Variants in SH3RF3 observed in about 807,000 individuals in gnomAD.
SH3RF3 encodes SH3 domain containing ring finger 3.
A neutral mutation model predicts 66.3 loss-of-function variants in SH3RF3; 29 were observed. The observed-to-expected ratio is 0.44, with a 90% CI of 0.33 to 0.60. The LOEUF is 0.60. SH3RF3 is among the 20% of genes least tolerant of loss of function. The pLI, the probability that SH3RF3 is intolerant of heterozygous loss-of-function variation, is 0.04. For missense variants in SH3RF3, 1,194 were observed against 1,190.9 expected (o/e 1.00, Z -0.04); for synonymous variants, 583 against 532.0 (o/e 1.10, Z -1.32).
chr2:109,155,456 C>G (rs1184716325), intron 1 of SH3RF3, among the ~76,000 whole-genome samples: 1 of 152,140 alleles, frequency 6.6e-6, no homozygotes, highest in Non-Finnish European at 1.5e-5. Flanking sequence ...GCGCCCACCA[C>G]CACGCCTGGC....
chr2:109,251,961 T>A (rs929010125), intron 1 of SH3RF3, among the ~76,000 whole-genome samples: 1 of 152,126 alleles, frequency 6.6e-6, no homozygotes, highest in Non-Finnish European at 1.5e-5. Flanking sequence ...ATAAAACTTT[T>A]ACTGAACACA....
At chr2:109,179,980 A>G (rs1678038287) in intron 1 of SH3RF3, among the ~76,000 whole-genome samples, 1 of 152,142 alleles carries the variant, frequency 6.6e-6, no homozygotes, top group Non-Finnish European at 1.5e-5. Flanking sequence ...TGTTCTTAAA[A>G]AGACTCTTTG....
intron 1 of SH3RF3, among the ~76,000 whole-genome samples, chr2:109,237,026 A>C (rs1679666397): frequency 6.6e-6 from 1 of 152,216 alleles, no homozygotes; most frequent in Non-Finnish European, 1.5e-5. Flanking sequence ...AAGGTAGAGA[A>C]GCCAACACAA....
At chr2:109,499,226 C>T (rs773804894) in intron 9 of SH3RF3, among the ~76,000 whole-genome samples, 5 of 152,104 alleles carry the variant, frequency 3.3e-5, no homozygotes, top group Non-Finnish European at 7.4e-5. Context: ...TAGACAGCCT[C>T]GGCGTCTGTG....
At chr2:109,383,925 T>A (rs1263956714) in intron 3 of SH3RF3, among the ~76,000 whole-genome samples, 1 of 152,172 alleles carries the variant, frequency 6.6e-6, no homozygotes, top group East Asian at 1.9e-4. Context: ...CAGTGTCTGT[T>A]AGGTAGAAGG....
At chr2:109,243,064 G>A (rs890522364) in intron 1 of SH3RF3, among the ~76,000 whole-genome samples, 2 of 152,220 alleles carry the variant, frequency 1.3e-5, no homozygotes, top group Non-Finnish European at 2.9e-5. Flanking sequence ...CAATGAAATC[G>A]GCTGTTCATA....
chr2:109,334,568 G>A (rs978750799), intron 1 of SH3RF3, among the ~76,000 whole-genome samples: 7 of 152,126 alleles, frequency 4.6e-5, no homozygotes, highest in South Asian at 4.1e-4. Context: ...CCGCTCCGGG[G>A]ATGCCAGGGA....
At chr2:109,288,550 T>C (rs902738097) in intron 1 of SH3RF3, among the ~76,000 whole-genome samples, 1 of 152,252 alleles carries the variant, frequency 6.6e-6, no homozygotes, top group Admixed American at 6.5e-5. Flanking sequence ...GTCATGTTGG[T>C]CTGGAGTCAC....
At chr2:109,482,807 G>A (rs933288496) in intron 8 of SH3RF3, among the ~76,000 whole-genome samples, 2 of 152,120 alleles carry the variant, frequency 1.3e-5, no homozygotes, top group African/African-American at 2.4e-5. Flanking sequence ...ACGATGCGGC[G>A]GTCACGTCTT....
intron 1 of SH3RF3, among the ~76,000 whole-genome samples, chr2:109,194,279 G>A (rs531474786): frequency 4.5e-4 from 69 of 152,312 alleles, no homozygotes; most frequent in African/African-American, 1.6e-3. Context: ...CACAGATGCC[G>A]GTCTTGTGTT....
At chr2:109,191,258 T>A (rs532396322) in intron 1 of SH3RF3, among the ~76,000 whole-genome samples, 128 of 152,260 alleles carry the variant, frequency 8.4e-4, no homozygotes, top group African/African-American at 2.9e-3. Flanking sequence ...AGGTTGTTTC[T>A]GACATCAAGA....
In SH3RF3 at chr2:109,408,533, C is replaced by A. The variant is rs79520358; in HGVS notation, c.1299+9590C>A. Among the ~76,000 whole-genome samples the A allele has an allele frequency of 2.7e-3, 410 of 152,334 alleles. 6 individuals are homozygous for A. Among genetic ancestry groups the A allele is most frequent in the East Asian group, 0.02 (105 of 5,150 alleles). ...GGTCCCACACGCGCTCACGCCCAGG[C>A]CGGGTTCGCTCTCAGGACCTCGTCC... On this transcript the variant is annotated intron_variant, in intron 4 of 9. Coordinates refer to ENST00000309415, the MANE Select transcript of SH3RF3 (RefSeq NM_001099289.3).
At chr2:109,415,468 A>G (rs1676697408) in intron 4 of SH3RF3, among the ~76,000 whole-genome samples, 1 of 152,126 alleles carries the variant, frequency 6.6e-6, no homozygotes, top group African/African-American at 2.4e-5. Flanking sequence ...CACGGGTGCT[A>G]CAGTCGCGGC....
rs145693348 is a variant in SH3RF3 at position 109,223,682 on chromosome 2, C to T, written c.573+93569C>T. Among the ~76,000 whole-genome samples, 8 of 152,294 alleles carry T rather than the reference C, an allele frequency of 5.3e-5. No homozygotes were observed. The East Asian group carries it at 1.5e-3, about 29-fold the overall frequency. ...CATGGCTCTCCCCTGAATTCTGCCC[C>T]CCACGTGATGCTGCCCCAACGTGGA... On this transcript the variant is annotated intron_variant, in intron 1 of 9. Transcript: ENST00000309415.
intron 2 of SH3RF3, among the ~76,000 whole-genome samples, chr2:109,354,458 G>A (rs1353154172): frequency 6.6e-6 from 1 of 152,262 alleles, no homozygotes; most frequent in Non-Finnish European, 1.5e-5. Flanking sequence ...GGCCAGGCAG[G>A]GACTGCTTCT....
intron 8 of SH3RF3, among the ~76,000 whole-genome samples, chr2:109,460,224 A>G (rs1678175309): frequency 6.6e-6 from 1 of 152,240 alleles, no homozygotes; most frequent in African/African-American, 2.4e-5. Flanking sequence ...CTTTGGCAGA[A>G]GCATTGTGTG....
intron 1 of SH3RF3, among the ~76,000 whole-genome samples, chr2:109,277,983 T>C (rs997630729): frequency 1.6e-5 from 2 of 126,526 alleles, no homozygotes; most frequent in African/African-American, 6.1e-5. Context: ...GAGATCAGCC[T>C]GGGCAACAAG....
chr2:109,297,757 G>A (rs1256009341), intron 1 of SH3RF3, among the ~76,000 whole-genome samples: 1 of 150,552 alleles, frequency 6.6e-6, no homozygotes, highest in Non-Finnish European at 1.5e-5. Context: ...CCCTTATCCA[G>A]TCAGTGCCTC....
chr2:109,276,841 T>C (rs1156892340), intron 1 of SH3RF3, among the ~76,000 whole-genome samples: 1 of 151,960 alleles, frequency 6.6e-6, no homozygotes, highest in East Asian at 1.9e-4. Context: ...ATACAAACAA[T>C]ATAGTTAAGC....
Sources: gnomAD v4.1 joint callset for allele counts (sites outside exome capture counted in the v4.1 genomes callset) on GRCh38, gnomAD v4.1.1 for gene constraint, MANE v1.5 for transcripts, NCBI Gene and HGNC (gene_info 2026-07-23, HGNC 2026-07-21) for gene names.